XKR4: variants seen among roughly 807,000 people sequenced by gnomAD.
XKR4 encodes the protein XK related 4.
XKR4 carries 12 observed loss-of-function variants against 53.9 expected under a neutral mutation model. The ratio of observed to expected loss-of-function variants is 0.22; its 90% CI spans 0.14 to 0.36. XKR4 has a LOEUF of 0.36. Among genes scored for constraint, XKR4 ranks in the 10% least tolerant of loss-of-function variants. The probability of loss-of-function intolerance (pLI) is 1.00; values close to 1 mark genes in which losing one functional copy is unlikely to be tolerated. For missense variants in XKR4, 799 were observed against 859.5 expected, an observed-to-expected ratio of 0.93 and a Z score of 0.88; for synonymous variants, 354 against 362.4, an observed-to-expected ratio of 0.98 and a Z score of 0.26.
At chr8:55,376,930 C>A (rs540355782) in intron 2 of XKR4, among the ~76,000 whole-genome samples, 1 of 144,098 alleles carries the variant, frequency 6.9e-6, no homozygotes, top group East Asian at 2.0e-4. Context: ...ATACCCCTCT[C>A]CATACACACA....
intron 2 of XKR4, chr8:55,454,488 C>T (rs1192378177): frequency 7.4e-6 from 9 of 1,224,002 alleles, no homozygotes; most frequent in Non-Finnish European, 5.9e-6. Flanking sequence ...GTGGCACAGA[C>T]CAAAGACAGT....
intron 1 of XKR4, among the ~76,000 whole-genome samples, chr8:55,189,823 G>A (rs1015577590): frequency 3.3e-5 from 5 of 152,188 alleles, no homozygotes; most frequent in Admixed American, 1.3e-4. Flanking sequence ...GTTGGTATCA[G>A]TGTGAATCTC....
chr8:55,206,754 T>C (rs1817656552), intron 1 of XKR4, among the ~76,000 whole-genome samples: 1 of 152,252 alleles, frequency 6.6e-6, no homozygotes, highest in South Asian at 2.1e-4. Flanking sequence ...GTTAAAAATA[T>C]GCAGTTTTGA....
intron 2 of XKR4, among the ~76,000 whole-genome samples, chr8:55,392,226 C>T (rs987175715): frequency 1.1e-4 from 16 of 152,096 alleles, no homozygotes; most frequent in African/African-American, 3.4e-4. Flanking sequence ...TTGTCAAATG[C>T]AGGCATCACT....
At chr8:55,217,983 C>A (rs1473984674) in intron 1 of XKR4, among the ~76,000 whole-genome samples, 1 of 152,160 alleles carries the variant, frequency 6.6e-6, no homozygotes, top group Non-Finnish European at 1.5e-5. Context: ...TTTTATAATT[C>A]TTCTCTGTGC....
intron 1 of XKR4, among the ~76,000 whole-genome samples, chr8:55,309,890 A>G (rs1819363704): frequency 6.6e-6 from 1 of 152,240 alleles, no homozygotes; most frequent in Non-Finnish European, 1.5e-5. Flanking sequence ...CTCCCTTGCC[A>G]TCATTTGCTG....
intron 1 of XKR4, among the ~76,000 whole-genome samples, chr8:55,324,273 T>C (rs1803260955): frequency 6.6e-6 from 1 of 152,134 alleles, no homozygotes; most frequent in African/African-American, 2.4e-5. Context: ...TTTTTTAATG[T>C]TTTGTAGAGA....
intron 1 of XKR4, among the ~76,000 whole-genome samples, chr8:55,310,291 G>T (rs1184961708): frequency 6.6e-6 from 1 of 152,116 alleles, no homozygotes; most frequent in Non-Finnish European, 1.5e-5. Context: ...GGGCTCCGGG[G>T]TCAGACTTCC....
chr8:55,424,145 C>T (rs536446275), intron 2 of XKR4, among the ~76,000 whole-genome samples: 1 of 152,290 alleles, frequency 6.6e-6, no homozygotes, highest in Admixed American at 6.5e-5. Flanking sequence ...CGGGGCATTG[C>T]CCTGTACCCC....
chr8:55,497,715 T>G (rs896280573), intron 2 of XKR4, among the ~76,000 whole-genome samples: 1 of 152,210 alleles, frequency 6.6e-6, no homozygotes, highest in African/African-American at 2.4e-5. Context: ...ATTTCGAGCC[T>G]GCTGGATTAT....
intron 1 of XKR4, chr8:55,135,207 C>T (rs1330810791): frequency 6.4e-6 from 1 of 156,488 alleles, no homozygotes; most frequent in East Asian, 1.8e-4. Flanking sequence ...TTTGCACCAC[C>T]CTAATATATA....
intron 1 of XKR4, among the ~76,000 whole-genome samples, chr8:55,235,720 A>G (rs1818110736): frequency 6.6e-6 from 1 of 152,134 alleles, no homozygotes; most frequent in African/African-American, 2.4e-5. Context: ...CTTGGCATGA[A>G]ATGACGCTGC....
In XKR4 at chr8:55,322,041, A is replaced by G. The variant is rs541736117; in HGVS notation, c.807-35637A>G. ...ATAACTTATCTTTACAATCTTTGAC[A>G]TCCTTCCTGACTTTCCCCAATTCCA... On this transcript the variant is annotated intron_variant, in intron 1 of 2. Transcript: ENST00000327381. 1.6e-4 allele frequency among the ~76,000 whole-genome samples: 25 copies of G among 152,190 alleles called. No homozygotes were observed. The South Asian group carries it at 5.2e-3, about 32-fold the overall frequency.
At chr8:55,312,666 C>T (rs1322118351) in intron 1 of XKR4, among the ~76,000 whole-genome samples, 2 of 152,170 alleles carry the variant, frequency 1.3e-5, no homozygotes, top group African/African-American at 2.4e-5. Flanking sequence ...ATGTAATTAA[C>T]GCCCATCAAG....
intron 2 of XKR4, among the ~76,000 whole-genome samples, chr8:55,422,859 T>C (rs1804954936): frequency 6.6e-6 from 1 of 152,046 alleles, no homozygotes; most frequent in South Asian, 2.1e-4. Context: ...AAGATCTAAA[T>C]GGGAGGGGTG....
chr8:55,388,269 A>C (rs1436609500), intron 2 of XKR4, among the ~76,000 whole-genome samples: 1 of 152,172 alleles, frequency 6.6e-6, no homozygotes, highest in Admixed American at 6.5e-5. Context: ...TCTCAACAAG[A>C]TAATTTCCTT....
intron 2 of XKR4, among the ~76,000 whole-genome samples, chr8:55,380,306 A>T (rs888975961): frequency 5.3e-5 from 8 of 152,260 alleles, no homozygotes; most frequent in Admixed American, 3.3e-4. Flanking sequence ...GTCAACAGGA[A>T]GCAAATCTGA....
intron 1 of XKR4, among the ~76,000 whole-genome samples, chr8:55,342,256 C>G (rs1331692611): frequency 1.3e-5 from 2 of 152,056 alleles, no homozygotes; most frequent in African/African-American, 4.8e-5. Flanking sequence ...ACAAATCCCA[C>G]TGGCTTTAAC....
intron 1 of XKR4, among the ~76,000 whole-genome samples, chr8:55,313,355 G>A (rs1819413840): frequency 6.6e-6 from 1 of 152,200 alleles, no homozygotes; most frequent in South Asian, 2.1e-4. Flanking sequence ...AGAGTAATGG[G>A]TGAAATGAAG....
Sources: gnomAD v4.1 joint callset for allele counts (sites outside exome capture counted in the v4.1 genomes callset) on GRCh38, gnomAD v4.1.1 for gene constraint, MANE v1.5 for transcripts, NCBI Gene and HGNC (gene_info 2026-07-23, HGNC 2026-07-21) for gene names.